RALYL: variants seen among roughly 807,000 people sequenced by gnomAD.
RALYL encodes the protein RALY RNA binding protein like.
A neutral mutation model predicts 35.1 loss-of-function variants in RALYL; 29 were observed. That is an observed-to-expected ratio of 0.83 (90% CI 0.61 to 1.13). The LOEUF (loss-of-function observed/expected upper bound fraction) is 1.13, where lower values mean the gene tolerates loss of function less well. Among genes scored for constraint, RALYL ranks in the 50% most tolerant of loss-of-function variants. The pLI is 0.00. For synonymous variants in RALYL, 120 were observed against 127.6 expected (o/e 0.94, Z 0.40); for missense variants, 359 against 360.4 (o/e 1.00, Z 0.03).
At chr8:84,403,522 C>CTTTTTTTTTTTTTTTTT (rs2043136000) in intron 1 of RALYL, among the ~76,000 whole-genome samples, 1 of 52,118 alleles carries the variant, frequency 1.9e-5, no homozygotes, top group African/African-American at 6.8e-5. Context: ...GTCTATATCT[C>CTTTTTTTTTTTTTTTTT]TGTTTTTTTT....
chr8:84,531,967 C>T (rs2059306135), intron 2 of RALYL, among the ~76,000 whole-genome samples: 1 of 152,048 alleles, frequency 6.6e-6, no homozygotes, highest in Admixed American at 6.5e-5. Context: ...TTCTAAGATA[C>T]CATTTCTCAT....
intron 5 of RALYL, among the ~76,000 whole-genome samples, chr8:84,854,485 G>C (rs1235894492): frequency 6.6e-6 from 1 of 152,044 alleles, no homozygotes; most frequent in East Asian, 1.9e-4. Context: ...AGCTGATTTG[G>C]GACATCTCTG....
chr8:84,730,642 T>C (rs1032825931), intron 2 of RALYL, among the ~76,000 whole-genome samples: 3 of 147,022 alleles, frequency 2.0e-5, no homozygotes, highest in Admixed American at 1.3e-4. Flanking sequence ...GACCCCATTG[T>C]CTCAGCCCAA....
At chr8:84,214,523 A>G (rs576615176) in intron 1 of RALYL, among the ~76,000 whole-genome samples, 55 of 152,300 alleles carry the variant, frequency 3.6e-4, no homozygotes, top group African/African-American at 1.2e-3. Context: ...ATGTGCAATA[A>G]TGACTTATTT....
chr8:84,408,371 A>T (rs186101014), intron 1 of RALYL, among the ~76,000 whole-genome samples: 1 of 152,236 alleles, frequency 6.6e-6, no homozygotes, highest in Non-Finnish European at 1.5e-5. Context: ...AAATAGAAAA[A>T]CTCTGTCATA....
chr8:84,739,820 T>C (rs1847959537), intron 2 of RALYL, among the ~76,000 whole-genome samples: 1 of 151,872 alleles, frequency 6.6e-6, no homozygotes, highest in South Asian at 2.1e-4. Context: ...AGTTAAACTT[T>C]TATACAAACT....
intron 1 of RALYL, among the ~76,000 whole-genome samples, chr8:84,471,598 C>G (rs2052764064): frequency 6.6e-6 from 1 of 152,064 alleles, no homozygotes; most frequent in African/African-American, 2.4e-5. Context: ...AGACTGGTTT[C>G]TCAGTCTCAC....
chr8:84,597,186 A>G (rs1588421080), intron 2 of RALYL, among the ~76,000 whole-genome samples: 1 of 152,168 alleles, frequency 6.6e-6, no homozygotes, highest in Non-Finnish European at 1.5e-5. Context: ...AACATAGTCC[A>G]GTGGAATAAG....
intron 3 of RALYL, among the ~76,000 whole-genome samples, chr8:84,793,752 A>G (rs1440325341): frequency 6.6e-6 from 1 of 152,156 alleles, no homozygotes; most frequent in African/African-American, 2.4e-5. Flanking sequence ...ATTACATTCT[A>G]AAATTAAGTG....
chr8:84,736,725 T>A (rs1847377576), intron 2 of RALYL, among the ~76,000 whole-genome samples: 1 of 152,102 alleles, frequency 6.6e-6, no homozygotes, highest in Non-Finnish European at 1.5e-5. Context: ...TCTAAAACAA[T>A]ATTCAACCAC....
chr8:84,629,067 C>T (rs1396728874), intron 2 of RALYL, among the ~76,000 whole-genome samples: 1 of 152,004 alleles, frequency 6.6e-6, no homozygotes, highest in Admixed American at 6.6e-5. Context: ...TTATAATACA[C>T]TGGAAGTGGC....
intron 8 of RALYL, among the ~76,000 whole-genome samples, chr8:84,913,040 G>GTAGGTAGGTAGATAGATAGA (rs372305617): frequency 0.042 from 5,421 of 129,924 alleles, 181 homozygotes; most frequent in Non-Finnish European, 0.058. Flanking sequence ...GGATAGGTAG[G>GTAGGTAGGTAGATAGATAGA]TAGATAGATA....
intron 2 of RALYL, among the ~76,000 whole-genome samples, chr8:84,567,864 C>G (rs543356813): frequency 6.6e-6 from 1 of 151,626 alleles, no homozygotes; most frequent in East Asian, 1.9e-4. Flanking sequence ...TCCATGCCAA[C>G]ATCTGTTATT....
At chr8:84,526,498 C>T (rs1341210219) in intron 1 of RALYL, among the ~76,000 whole-genome samples, 1 of 152,082 alleles carries the variant, frequency 6.6e-6, no homozygotes, top group Admixed American at 6.6e-5. Context: ...TGATTCTTGG[C>T]CTTCTGCAGT....
Position 84,332,710 on chromosome 8 carries a change from G to A in RALYL, c.-24+148286G>A, listed in dbSNP as rs1402923853. On this transcript the variant is annotated intron_variant, in intron 1 of 8. Coordinates refer to ENST00000521268, the MANE Select transcript of RALYL (RefSeq NM_173848.7). ...CTTTTATTGCCTGCTGCCAGTGCCT[G>A]TCTTCCTAGTGACCTTTACAAGAGG... Among the ~76,000 whole-genome samples the A allele has an allele frequency of 2.0e-5, 3 of 152,036 alleles. No individual in the cohort carries two copies. The East Asian group carries it at 5.8e-4, about 29-fold the overall frequency.
At chr8:84,262,321 T>G (rs1832470725) in intron 1 of RALYL, among the ~76,000 whole-genome samples, 2 of 152,140 alleles carry the variant, frequency 1.3e-5, no homozygotes, top group Admixed American at 6.5e-5. Flanking sequence ...CAATGGAAAC[T>G]CAAAATAACA....
chr8:84,573,268 C>G (rs1362016983), intron 2 of RALYL, among the ~76,000 whole-genome samples: 1 of 151,572 alleles, frequency 6.6e-6, no homozygotes, highest in Non-Finnish European at 1.5e-5. Context: ...AAACACCTTG[C>G]AGATCTAGCA....
intron 2 of RALYL, among the ~76,000 whole-genome samples, chr8:84,568,232 A>T (rs1451452938): frequency 8.5e-6 from 1 of 118,250 alleles, no homozygotes; most frequent in Non-Finnish European, 1.6e-5. Flanking sequence ...CCAGAGTGTG[A>T]TGTTCCCCTT....
intron 2 of RALYL, among the ~76,000 whole-genome samples, chr8:84,760,473 C>T (rs913629671): frequency 6.6e-6 from 1 of 151,876 alleles, no homozygotes; most frequent in African/African-American, 2.4e-5. Context: ...AACAGAAATA[C>T]AAAAATTTTT....
Sources: gnomAD v4.1 joint callset for allele counts (sites outside exome capture counted in the v4.1 genomes callset) on GRCh38, gnomAD v4.1.1 for gene constraint, MANE v1.5 for transcripts, NCBI Gene and HGNC (gene_info 2026-07-23, HGNC 2026-07-21) for gene names.